Variants in CDH6 observed in about 807,000 individuals in gnomAD.
CDH6 encodes cadherin-6.
In CDH6, 31 loss-of-function variants were observed where a neutral mutation model predicts 78.0. The ratio of observed to expected loss-of-function variants is 0.40; its 90% confidence interval spans 0.30 to 0.54. The LOEUF is 0.54. Ranked by LOEUF, CDH6 falls within the 20% of genes least tolerant of loss-of-function variation. The pLI is 0.56. For missense variants in CDH6, 724 were observed against 975.9 expected, an observed-to-expected ratio of 0.74 and a Z score of 3.44; for synonymous variants, 376 against 368.8, an observed-to-expected ratio of 1.02 and a Z score of -0.23.
At chr5:31,194,221 G>A (rs1266434823) in intron 1 of CDH6, among the ~76,000 whole-genome samples, 1 of 152,186 alleles carries the variant, frequency 6.6e-6, no homozygotes, top group African/African-American at 2.4e-5. Flanking sequence ...CTTTCTCTAC[G>A]CCGGCAGAGG....
chr5:31,258,582 T>C (rs1304690606), intron 1 of CDH6, among the ~76,000 whole-genome samples: 1 of 151,798 alleles, frequency 6.6e-6, no homozygotes, highest in Non-Finnish European at 1.5e-5. Flanking sequence ...CATGTGTATA[T>C]CTATGAAACA....
intron 1 of CDH6, among the ~76,000 whole-genome samples, chr5:31,259,968 G>A (rs573856788): frequency 6.6e-6 from 1 of 152,310 alleles, no homozygotes; most frequent in South Asian, 2.1e-4. Context: ...AAGGCCACCA[G>A]AACTTTTGAG....
chr5:31,242,745 T>C (rs965739622), intron 1 of CDH6, among the ~76,000 whole-genome samples: 3 of 151,402 alleles, frequency 2.0e-5, no homozygotes, highest in African/African-American at 4.9e-5. Context: ...ATTTTGGTCA[T>C]GTGCAGTGGC....
intron 1 of CDH6, among the ~76,000 whole-genome samples, chr5:31,237,049 G>A (rs1741472912): frequency 6.6e-6 from 1 of 152,080 alleles, no homozygotes; most frequent in East Asian, 1.9e-4. Flanking sequence ...TAACTTTTTG[G>A]CAAGATAGTA....
At position 31,304,634 on chromosome 5, in the gene CDH6, G is replaced by A. The variant is rs1170725482; in HGVS notation, c.1000-540G>A. ...CGGGAGGCAGTGGTTGCAGTGAGCC[G>A]AGATCATGCCAATGCACTCCAGCCT... On this transcript the variant is annotated intron_variant, in intron 6 of 11. Coordinates refer to ENST00000265071, the MANE Select transcript of CDH6 (RefSeq NM_004932.4). 2.2e-5 allele frequency among the ~76,000 whole-genome samples: 3 copies of A among 136,118 alleles called. No individual in the cohort carries two copies. The East Asian group carries it at 6.8e-4, about 31-fold the overall frequency. 89.3% of individuals were successfully genotyped at this position (136,118 alleles called of 152,430 possible).
At chr5:31,234,386 A>G (rs1741396284) in intron 1 of CDH6, among the ~76,000 whole-genome samples, 1 of 152,240 alleles carries the variant, frequency 6.6e-6, no homozygotes, top group Admixed American at 6.5e-5. Context: ...TATCACATAT[A>G]TGGAGTGTAT....
chr5:31,212,791 C>T (rs774806646), intron 1 of CDH6, among the ~76,000 whole-genome samples: 1 of 151,960 alleles, frequency 6.6e-6, no homozygotes, highest in African/African-American at 2.4e-5. Context: ...CACACAGCTC[C>T]ACCACCAAAA....
chr5:31,218,634 G>T (rs114121981), intron 1 of CDH6, among the ~76,000 whole-genome samples: 1 of 152,000 alleles, frequency 6.6e-6, no homozygotes, highest in Non-Finnish European at 1.5e-5. Flanking sequence ...GCCCAAATAT[G>T]TCCAGAATCC....
chr5:31,305,124 G>A, intron 6 of CDH6, 50 bp from the exon 7 acceptor site: 1 of 1,567,758 alleles, frequency 6.4e-7, no homozygotes, highest in South Asian at 1.2e-5. Context: ...GGCTTTCTGT[G>A]TCTTGGCTGC....
intron 5 of CDH6, among the ~76,000 whole-genome samples, chr5:31,300,335 G>A (rs1033631462): frequency 2.6e-5 from 4 of 152,048 alleles, no homozygotes; most frequent in African/African-American, 7.2e-5. Flanking sequence ...GATCTCCTAC[G>A]AAAGCTATCT....
At position 31,326,680 on chromosome 5, in the gene CDH6, A is replaced by ATTTTTTTTTTTTTTTTTTTTTT. The variant is rs750696655; in HGVS notation, c.*3372_*3373insTTTTTTTTTTTTTTTTTTTTTT. The ATTTTTTTTTTTTTTTTTTTTTT allele has an allele frequency of 1.0e-4, 13 of 130,318 alleles. 4 individuals carry two copies. The highest frequency in any genetic ancestry group is 8.1e-5 in the Non-Finnish European group (5 of 61,680). The allele number at this position is 130,318 out of a possible 1,614,324, so 8.1% of individuals were successfully genotyped here. On this transcript the variant is annotated 3_prime_UTR_variant, in exon 12 of 12. Coordinates refer to ENST00000265071, the MANE Select transcript of CDH6 (RefSeq NM_004932.4). Reference sequence around the variant, plus strand: ...CAAAGAGTTGTGCAGAAAATCTTAAAATTTTTTTTTTTTTTTTTTTTTTTT... The same window carrying ATTTTTTTTTTTTTTTTTTTTTT: ...CAAAGAGTTGTGCAGAAAATCTTAAATTTTTTTTTTTTTTTTTTTTTTATTTTTTTTTTTTTTTTTTTTTTTT...
intron 6 of CDH6, among the ~76,000 whole-genome samples, chr5:31,302,932 A>AAAGAAAGAAAG (rs1737852034): frequency 1.5e-5 from 2 of 129,212 alleles, no homozygotes; most frequent in African/African-American, 2.6e-5. Flanking sequence ...AGAAAGAAAG[A>AAAGAAAGAAAG]AAGAAAGAAA....
At chr5:31,242,703 G>T (rs536691850) in intron 1 of CDH6, among the ~76,000 whole-genome samples, 9 of 142,010 alleles carry the variant, frequency 6.3e-5, no homozygotes, top group Admixed American at 1.4e-4. Context: ...AATAAGAATG[G>T]GGGGGGGCGG....
intron 8 of CDH6, among the ~76,000 whole-genome samples, chr5:31,314,256 C>G (rs543119185): frequency 6.6e-6 from 1 of 150,894 alleles, no homozygotes; most frequent in African/African-American, 2.4e-5. Context: ...CCCATTAACT[C>G]GTCATTTACA....
chr5:31,210,375 G>A (rs1460760607), intron 1 of CDH6, among the ~76,000 whole-genome samples: 2 of 151,992 alleles, frequency 1.3e-5, no homozygotes, highest in African/African-American at 4.8e-5. Context: ...ATGGTCGTGC[G>A]TGCCTGTAAT....
intron 1 of CDH6, among the ~76,000 whole-genome samples, chr5:31,246,578 C>T (rs1741751658): frequency 6.6e-6 from 1 of 152,148 alleles, no homozygotes; most frequent in African/African-American, 2.4e-5. Flanking sequence ...TGCAAGAGGC[C>T]AGGCAAAGCC....
At chr5:31,223,812 A>T (rs889746877) in intron 1 of CDH6, among the ~76,000 whole-genome samples, 2 of 152,228 alleles carry the variant, frequency 1.3e-5, no homozygotes, top group Non-Finnish European at 2.9e-5. Context: ...TTGAAATTCT[A>T]TAAAAGAATT....
chr5:31,213,786 C>A (rs557064327), intron 1 of CDH6, among the ~76,000 whole-genome samples: 24 of 152,216 alleles, frequency 1.6e-4, no homozygotes, highest in African/African-American at 5.5e-4. Flanking sequence ...CCTCCCCAGC[C>A]CTATCTGATT....
rs1243418360 is a variant in CDH6, at chr5:31,254,330, A to G, written c.-128-13016A>G. ...TTAAGTGAAAAGGTGAATGTTCTCC[A>G]CTTAATAAGGAAAGAAAAAAAATTG... On this transcript the variant is annotated intron_variant, in intron 1 of 11. Transcript: ENST00000265071. 3.3e-5 allele frequency among the ~76,000 whole-genome samples: 5 copies of G among 152,318 alleles called. No individual in the cohort carries two copies. The South Asian group carries it at 1.0e-3, about 32-fold the overall frequency.
Sources: gnomAD v4.1 joint callset for allele counts (sites outside exome capture counted in the v4.1 genomes callset) on GRCh38, gnomAD v4.1.1 for gene constraint, MANE v1.5 for transcripts, NCBI Gene and HGNC (gene_info 2026-07-23, HGNC 2026-07-21) for gene names.